The following SLC17A4 variants were observed in gnomAD, a reference collection of about 807,000 sequenced individuals.
SLC17A4 encodes solute carrier family 17 member 4.
In SLC17A4, 33 loss-of-function variants were observed where a neutral mutation model predicts 52.5. The ratio of observed to expected loss-of-function variants is 0.63; its 90% CI spans 0.48 to 0.84. SLC17A4 has a LOEUF of 0.84. Among genes scored for constraint, SLC17A4 ranks in the 40% least tolerant of loss-of-function variants. The probability of loss-of-function intolerance (pLI) is 0.00; values close to 1 mark genes in which losing one functional copy is unlikely to be tolerated. For synonymous variants in SLC17A4, 225 were observed against 216.2 expected (o/e 1.04, Z -0.36); for missense variants, 585 against 597.1 (o/e 0.98, Z 0.21).
chr6:25,777,649 T>C (rs955306824), intron 10 of SLC17A4: 1 of 310,404 alleles, frequency 3.2e-6, no homozygotes, highest in African/African-American at 2.1e-5. Flanking sequence ...TCTGACCATC[T>C]TGCATAAACA....
At chr6:25,773,479 G>A (rs753148432) in intron 7 of SLC17A4, 34 bp from the exon 8 acceptor site, 8 of 1,613,028 alleles carry the variant, frequency 5.0e-6, no homozygotes, top group African/African-American at 4.0e-5. Flanking sequence ...GCTGCCTTCT[G>A]ACGGAGGGGA....
chr6:25,775,118 T>C (rs991339944), intron 8 of SLC17A4, among the ~76,000 whole-genome samples: 10 of 152,006 alleles, frequency 6.6e-5, no homozygotes, highest in African/African-American at 2.4e-4. Flanking sequence ...TCATCTGAGG[T>C]CAGGTGTTTG....
intron 2 of SLC17A4, among the ~76,000 whole-genome samples, chr6:25,762,374 G>T (rs752662382): frequency 1.3e-5 from 2 of 152,174 alleles, no homozygotes; most frequent in Non-Finnish European, 2.9e-5. Flanking sequence ...TCCAAGACAT[G>T]TCCTATTAGA....
chr6:25,768,908 C>A, intron 2 of SLC17A4, 77 bp from the exon 3 acceptor site: 1 of 1,309,334 alleles, frequency 7.6e-7, no homozygotes, highest in Non-Finnish European at 1.1e-6. Context: ...AGATACCAAT[C>A]TTCTCCTTCT....
intron 6 of SLC17A4, among the ~76,000 whole-genome samples, chr6:25,772,470 C>T (rs563987601): frequency 6.6e-6 from 1 of 152,066 alleles, no homozygotes; most frequent in East Asian, 1.9e-4. Context: ...ACATGCTAGC[C>T]AAACAAAGAG....
At chr6:25,775,109 C>T (rs1236383673) in intron 8 of SLC17A4, among the ~76,000 whole-genome samples, 1 of 152,116 alleles carries the variant, frequency 6.6e-6, no homozygotes, top group Non-Finnish European at 1.5e-5. Flanking sequence ...GCAGGTGGAT[C>T]ATCTGAGGTC....
rs1048175586 is a variant in SLC17A4, at chr6:25,779,952, T to A, written c.*764T>A. On this transcript the variant is annotated 3_prime_UTR_variant, in exon 12 of 12. Transcript: ENST00000377905. Reference sequence around the variant, plus strand: ...AGCACTGCTTTTGGACAGTGACCCATGATATCTGCCTTCGTTTGCCCCTCT... The same window carrying A: ...AGCACTGCTTTTGGACAGTGACCCAAGATATCTGCCTTCGTTTGCCCCTCT... The A allele has an allele frequency of 6.6e-6, 1 of 152,250 alleles. No homozygotes were observed. The highest frequency in any genetic ancestry group is 2.4e-5 in the African/African-American group (1 of 41,466). The allele number at this position is 152,250 out of a possible 1,614,324, so 9.4% of individuals were successfully genotyped here. A position where few individuals can be genotyped will look rare whatever the true frequency, so the allele number is the denominator to read the frequency against.
rs531340115 is a variant in SLC17A4, at chr6:25,760,773, A to T, written c.-36-1154A>T. Among the ~76,000 whole-genome samples, 5 of 151,946 alleles carry T rather than the reference A, an allele frequency of 3.3e-5. No individual in the cohort carries two copies. In the South Asian group the frequency reaches 8.3e-4, roughly 25 times the overall value. On this transcript the variant is annotated intron_variant, in intron 1 of 11. Transcript: ENST00000377905. Reference sequence around the variant, plus strand: ...ACTTAGTTTCAAATTTTAATGCCTAATTTTTTTTGTATTTCAAGTAGTATC... The same window carrying T: ...ACTTAGTTTCAAATTTTAATGCCTATTTTTTTTTGTATTTCAAGTAGTATC...
In SLC17A4 at chr6:25,761,706, C is replaced by T. The variant is rs984757109; in HGVS notation, c.-36-221C>T. Among the ~76,000 whole-genome samples, 3 of 152,138 alleles carry T rather than the reference C, an allele frequency of 2.0e-5. No individual in the cohort carries two copies. The South Asian group carries it at 6.2e-4, about 32-fold the overall frequency. On this transcript the variant is annotated intron_variant, in intron 1 of 11. Coordinates refer to ENST00000377905, the MANE Select transcript of SLC17A4 (RefSeq NM_005495.3). Reference sequence around the variant, plus strand: ...TATGAAGGCAATCCAGGCCAGATTTCTCACTTGCGAGATATAAATACTAAG... The same window carrying T: ...TATGAAGGCAATCCAGGCCAGATTTTTCACTTGCGAGATATAAATACTAAG...
chr6:25,775,751 C>A (rs1288765643), intron 8 of SLC17A4, among the ~76,000 whole-genome samples: 1 of 152,120 alleles, frequency 6.6e-6, no homozygotes, highest in Non-Finnish European at 1.5e-5. Context: ...TATATTCTTT[C>A]TTTGTTTCTT....
chr6:25,774,225 T>A (rs1429802306), intron 8 of SLC17A4, among the ~76,000 whole-genome samples: 1 of 152,222 alleles, frequency 6.6e-6, no homozygotes, highest in African/African-American at 2.4e-5. Context: ...AAAGTGTGTA[T>A]ATGTGTACAG....
rs772317863 is a variant in SLC17A4 at position 25,779,452 on chromosome 6, G to A, written c.*264G>A. The A allele has an allele frequency of 2.9e-5, 10 of 348,222 alleles. No homozygotes were observed. Among genetic ancestry groups the A allele is most frequent in the Admixed American group, 1.4e-4 (3 of 22,010 alleles). 21.6% of individuals were successfully genotyped at this position (348,222 alleles called of 1,614,324 possible). ...TATCCTAGTAAAAGCATCAGGGGCT[G>A]GGGACAATTTCTTTCCAAAGCAAAA... On this transcript the variant is annotated 3_prime_UTR_variant, in exon 12 of 12. Transcript: ENST00000377905.
intron 6 of SLC17A4, among the ~76,000 whole-genome samples, chr6:25,772,994 T>C (rs908202946): frequency 1.3e-5 from 2 of 152,226 alleles, no homozygotes; most frequent in African/African-American, 4.8e-5. Context: ...AGTCTTCCAA[T>C]AGCAGTGGGC....
intron 8 of SLC17A4, among the ~76,000 whole-genome samples, chr6:25,775,832 T>G (rs1954598): frequency 6.6e-6 from 1 of 152,134 alleles, no homozygotes; most frequent in Non-Finnish European, 1.5e-5. Flanking sequence ...ACAGTATACT[T>G]AGTAATATGC....
chr6:25,779,325 C>T lies in SLC17A4; in HGVS notation c.*137C>T, dbSNP rs1046285499. 2 of 1,250,098 alleles carry T rather than the reference C, an allele frequency of 1.6e-6. No individual in the cohort carries two copies. The highest frequency in any genetic ancestry group is 1.5e-5 in the African/African-American group (1 of 66,006). 77.4% of individuals were successfully genotyped at this position (1,250,098 alleles called of 1,614,324 possible). A position where few individuals can be genotyped will look rare whatever the true frequency, so the allele number is the denominator to read the frequency against. On this transcript the variant is annotated 3_prime_UTR_variant, in exon 12 of 12. Coordinates refer to ENST00000377905, the MANE Select transcript of SLC17A4 (RefSeq NM_005495.3). ...ATGTAACGCTAAAGATTTTACCATGCCTGGAAATTTTACAGGGGAAGAAAA... is the reference window on the plus strand; with the variant it reads ...ATGTAACGCTAAAGATTTTACCATGTCTGGAAATTTTACAGGGGAAGAAAA...
intron 3 of SLC17A4, among the ~76,000 whole-genome samples, 174 bp from the exon 4 acceptor site, chr6:25,769,893 A>T (rs1762337050): frequency 6.6e-6 from 1 of 152,130 alleles, no homozygotes; most frequent in Non-Finnish European, 1.5e-5. Context: ...GAGCGGAAAG[A>T]GTATATTGGG....
At chr6:25,763,640 G>A (rs181645428) in intron 2 of SLC17A4, among the ~76,000 whole-genome samples, 55 of 152,068 alleles carry the variant, frequency 3.6e-4, no homozygotes, top group African/African-American at 1.2e-3. Flanking sequence ...GGGTTCCATG[G>A]GATGTGGAGA....
At chr6:25,778,090 CT>C in intron 11 of SLC17A4, 74 bp downstream of exon 11, 1 of 1,088,382 alleles carries the variant, frequency 9.2e-7, no homozygotes. Context: ...TATGCACGGC[CT>C]TGTATCCTAG....
intron 5 of SLC17A4, 87 bp from the exon 6 acceptor site, chr6:25,770,839 C>T: frequency 2.0e-6 from 2 of 1,022,204 alleles, no homozygotes; most frequent in South Asian, 1.3e-5. Flanking sequence ...CATACCTTCA[C>T]TCACTGTGCA....
Sources: allele counts gnomAD v4.1 joint callset (sites outside exome capture counted in the v4.1 genomes callset), GRCh38; gene constraint gnomAD v4.1.1; transcripts MANE v1.5; gene names NCBI Gene and HGNC (gene_info 2026-07-23, HGNC 2026-07-21).